ESRRG: variants seen among roughly 807,000 people sequenced by gnomAD.
ESRRG encodes estrogen-related receptor gamma.
ESRRG carries 13 observed loss-of-function variants against 44.0 expected under a neutral mutation model. The observed-to-expected ratio is 0.30, with a 90% confidence interval of 0.19 to 0.47. ESRRG has a LOEUF of 0.47. Among genes scored for constraint, ESRRG ranks in the 20% least tolerant of loss-of-function variants. ESRRG has a pLI of 1.00. For synonymous variants in ESRRG, 215 were observed against 214.6 expected (o/e 1.00, Z -0.02); for missense variants, 395 against 580.6 (o/e 0.68, Z 3.29).
At chr1:216,844,257 C>T (rs1035615529) in intron 2 of ESRRG, among the ~76,000 whole-genome samples, 2 of 152,036 alleles carry the variant, frequency 1.3e-5, no homozygotes, top group African/African-American at 4.8e-5. Context: ...AGTAAAAGTT[C>T]TGATTAAGGA....
At chr1:216,640,523 G>A (rs185453494) in intron 3 of ESRRG, among the ~76,000 whole-genome samples, 15 of 151,896 alleles carry the variant, frequency 9.9e-5, no homozygotes, top group African/African-American at 3.6e-4. Context: ...GAGAGAAAGC[G>A]AGAGAGGACG....
At chr1:216,589,968 G>T (rs2149979574) in intron 3 of ESRRG, among the ~76,000 whole-genome samples, 1 of 141,054 alleles carries the variant, frequency 7.1e-6, no homozygotes, top group South Asian at 2.3e-4. Flanking sequence ...AATAGAGAGA[G>T]TAAAATTGAA....
chr1:216,729,506 T>G (rs1207649694), intron 2 of ESRRG, among the ~76,000 whole-genome samples: 2 of 152,212 alleles, frequency 1.3e-5, no homozygotes, highest in Non-Finnish European at 2.9e-5. Flanking sequence ...GAAAGTGAAG[T>G]GCAAGTATGT....
intron 6 of ESRRG, among the ~76,000 whole-genome samples, chr1:216,509,074 C>T (rs2041992565): frequency 6.6e-6 from 1 of 152,346 alleles, no homozygotes; most frequent in South Asian, 2.1e-4. Context: ...GCACCTATTT[C>T]AGGTGAACAT....
At chr1:216,846,672 T>C (rs1182038551) in intron 2 of ESRRG, among the ~76,000 whole-genome samples, 1 of 152,142 alleles carries the variant, frequency 6.6e-6, no homozygotes, top group Non-Finnish European at 1.5e-5. Flanking sequence ...TTGTAACAGA[T>C]ACTGAAATAT....
chr1:216,744,008 A>T (rs2091076932), intron 2 of ESRRG, among the ~76,000 whole-genome samples: 1 of 152,192 alleles, frequency 6.6e-6, no homozygotes, highest in South Asian at 2.1e-4. Flanking sequence ...ACACGGTGCC[A>T]CATGGAGTGT....
At chr1:216,682,134 T>G (rs780296296) in intron 1 of ESRRG, 29 of 152,246 alleles carry the variant, frequency 1.9e-4, no homozygotes, top group Non-Finnish European at 2.9e-4. Context: ...TACACAGATC[T>G]TGAATTCATT....
chr1:216,525,740 A>G (rs759463522), intron 5 of ESRRG, among the ~76,000 whole-genome samples: 15 of 152,132 alleles, frequency 9.9e-5, no homozygotes, highest in Non-Finnish European at 1.9e-4. Context: ...AGGGAAAAAC[A>G]CCATTTGGAA....
chr1:216,545,229 T>C (rs563324815), intron 5 of ESRRG, among the ~76,000 whole-genome samples: 2 of 140,420 alleles, frequency 1.4e-5, no homozygotes, highest in African/African-American at 5.1e-5. Flanking sequence ...TTAATTTTTA[T>C]GTTTTTTTTT....
At chr1:216,578,022 T>C (rs2062010295) in intron 3 of ESRRG, among the ~76,000 whole-genome samples, 1 of 152,016 alleles carries the variant, frequency 6.6e-6, no homozygotes, top group Non-Finnish European at 1.5e-5. Flanking sequence ...AATTATTAGA[T>C]ACCAAAGAGA....
At chr1:217,035,013 T>C (rs565826498) in intron 1 of ESRRG, among the ~76,000 whole-genome samples, 1 of 152,312 alleles carries the variant, frequency 6.6e-6, no homozygotes, top group African/African-American at 2.4e-5. Context: ...CAAATCCCCC[T>C]TGCTGATGGA....
chr1:217,045,699 C>T (rs747257469), intron 1 of ESRRG, among the ~76,000 whole-genome samples: 2 of 152,162 alleles, frequency 1.3e-5, no homozygotes, highest in South Asian at 2.1e-4. Flanking sequence ...CTAGATACGA[C>T]GGCAGTTGTC....
chr1:216,952,806 C>G (rs1322609342), intron 1 of ESRRG, among the ~76,000 whole-genome samples: 1 of 152,072 alleles, frequency 6.6e-6, no homozygotes, highest in Non-Finnish European at 1.5e-5. Flanking sequence ...AACTGAGCCC[C>G]CAGATCTTTC....
At chr1:217,107,927 T>C (rs12565946) in intron 1 of ESRRG, among the ~76,000 whole-genome samples, 13,121 of 151,972 alleles carry the variant, frequency 0.086, 682 homozygotes, top group East Asian at 0.24. Context: ...TAGATAAAAA[T>C]CTTCATAAAC....
chr1:216,535,803 C>T (rs2050764429), intron 5 of ESRRG, among the ~76,000 whole-genome samples: 1 of 152,104 alleles, frequency 6.6e-6, no homozygotes, highest in Admixed American at 6.6e-5. Context: ...CTGTCTCTGT[C>T]TGTCTGCCTA....
chr1:216,922,811 G>T (rs946763048), intron 2 of ESRRG, among the ~76,000 whole-genome samples: 2 of 152,082 alleles, frequency 1.3e-5, no homozygotes, highest in African/African-American at 4.8e-5. Context: ...GTTTTCTGTT[G>T]TTGTTAACAA....
chr1:216,850,740 G>T (rs950840919), intron 2 of ESRRG, among the ~76,000 whole-genome samples: 1 of 151,816 alleles, frequency 6.6e-6, no homozygotes. Context: ...AATAAATACC[G>T]TGCTGTTTTA....
chr1:216,854,817 G>A (rs976429724), intron 2 of ESRRG, among the ~76,000 whole-genome samples: 3 of 122,872 alleles, frequency 2.4e-5, no homozygotes, highest in African/African-American at 3.9e-5. Flanking sequence ...GTAAACTCCC[G>A]GAAGGCAAGA....
At chr1:216,933,794 G>A (rs1246585612) in intron 2 of ESRRG, among the ~76,000 whole-genome samples, 2 of 152,096 alleles carry the variant, frequency 1.3e-5, no homozygotes, top group Non-Finnish European at 2.9e-5. Flanking sequence ...AGGCTCTGGT[G>A]CATCACTGAA....
Sources: allele counts gnomAD v4.1 joint callset (sites outside exome capture counted in the v4.1 genomes callset), GRCh38; gene constraint gnomAD v4.1.1; transcripts MANE v1.5; gene names NCBI Gene and HGNC (gene_info 2026-07-23, HGNC 2026-07-21).